The following IL36G variants were observed in gnomAD, a reference collection of about 807,000 sequenced individuals.
IL36G encodes interleukin-36 gamma.
A neutral mutation model predicts 13.5 loss-of-function variants in IL36G; 10 were observed. The ratio of observed to expected loss-of-function variants is 0.74; its 90% CI spans 0.46 to 1.26. The LOEUF is 1.26. IL36G is among the 50% of genes most tolerant of loss of function. The pLI is 0.00. For missense variants in IL36G, 199 were observed against 203.0 expected (o/e 0.98, Z 0.12); for synonymous variants, 84 against 74.0 (o/e 1.13, Z -0.69).
In IL36G at chr2:112,980,109, T is replaced by C; in HGVS notation, c.261T>C (p.Tyr87=). The C allele has an allele frequency of 6.2e-7, 1 of 1,614,152 alleles. No homozygotes were observed. The highest frequency in any genetic ancestry group is 8.5e-7 in the Non-Finnish European group (1 of 1,179,992). Reference sequence around the variant, plus strand: ...TCCAGAATCCAGAAATGTGTTTGTATTGTGAGAAGGTTGGAGAACAGCCCA... The same window carrying C: ...TCCAGAATCCAGAAATGTGTTTGTACTGTGAGAAGGTTGGAGAACAGCCCA... ...LGIQNPEMCL[Y]CEKVGEQPTL... is the part of the protein sequence containing the mutation. Residue 87 remains tyrosine (Y), a synonymous_variant, in exon 4 of 5, where the codon TAT becomes TAC. Transcript: ENST00000259205.
Position 112,984,915 on chromosome 2 carries a change from AG to A in IL36G, c.378del (p.Thr127ProfsTer25). ...CCTTTTCTACCGTGCCAAGACTGGT[AG>A]GACCTCCACCCTTGAGTCTGTGGCC... ...PFLFYRAKTGRTSTLESVAFP... is the reference protein window; with the variant it reads ...PFLFYRAKTGXTSTLESVAFP... On this transcript the variant is annotated frameshift_variant, in exon 5 of 5. Transcript: ENST00000259205. LOFTEE classifies it low-confidence loss of function (END_TRUNC). 1 of 1,614,156 alleles carries A rather than the reference AG, an allele frequency of 6.2e-7. No homozygotes were observed. Among genetic ancestry groups the A allele is most frequent in the Non-Finnish European group, 8.5e-7 (1 of 1,180,016 alleles).
chr2:112,978,958 A>G (rs1684213586), intron 2 of IL36G, among the ~76,000 whole-genome samples: 1 of 152,220 alleles, frequency 6.6e-6, no homozygotes, highest in Non-Finnish European at 1.5e-5. Flanking sequence ...AGGTTCTGTG[A>G]GACTGCTCAT....
intron 2 of IL36G, 113 bp downstream of exon 2, chr2:112,978,806 A>G: frequency 9.6e-7 from 1 of 1,045,888 alleles, no homozygotes; most frequent in South Asian, 1.4e-5. Context: ...TGCCCTTCCC[A>G]CCTGGTGCTG....
rs199830538 is a variant in IL36G, at chr2:112,978,633, C to T, written c.-6C>T. The T allele has an allele frequency of 7.6e-5, 123 of 1,613,870 alleles. No homozygotes were observed. The highest frequency in any genetic ancestry group is 4.9e-4 in the Middle Eastern group (3 of 6,082). ...CTGCTTTCACAGGTGCTGAGACAACCACACTATGAGAGGCACTCCAGGAGA... is the reference window on the plus strand; with the variant it reads ...CTGCTTTCACAGGTGCTGAGACAACTACACTATGAGAGGCACTCCAGGAGA... On this transcript the variant is annotated 5_prime_UTR_variant, in exon 2 of 5. Coordinates refer to ENST00000259205, the MANE Select transcript of IL36G (RefSeq NM_019618.4).
intron 4 of IL36G, among the ~76,000 whole-genome samples, chr2:112,980,714 G>C (rs1051213597): frequency 4.6e-5 from 7 of 152,350 alleles, no homozygotes; most frequent in Admixed American, 2.6e-4. Flanking sequence ...GGCATCACTG[G>C]AAAGTCCAGA....
At chr2:112,981,411 C>T in intron 4 of IL36G, 1 of 718,316 alleles carries the variant, frequency 1.4e-6, no homozygotes, top group Non-Finnish European at 2.5e-6. Context: ...CTTCAGCATC[C>T]CCTTCAGCCT....
rs778585740 is a variant in IL36G at position 112,985,067 on chromosome 2, C to T, written c.*18C>T. On this transcript the variant is annotated 3_prime_UTR_variant, in exon 5 of 5. Transcript: ENST00000259205. Reference sequence around the variant, plus strand: ...ATGACTGAACTCAGCCTAGAGGTGGCAGCTTGGTCTTTGTCTTAAAGTTTC... The same window carrying T: ...ATGACTGAACTCAGCCTAGAGGTGGTAGCTTGGTCTTTGTCTTAAAGTTTC... 1 of 1,576,368 alleles carries T rather than the reference C, an allele frequency of 6.3e-7. No individual in the cohort carries two copies.
intron 4 of IL36G, among the ~76,000 whole-genome samples, chr2:112,981,667 T>A (rs576550899): frequency 2.6e-5 from 4 of 152,374 alleles, no homozygotes; most frequent in Non-Finnish European, 5.9e-5. Context: ...TATCTCACGA[T>A]ATCTCATCTA....
At chr2:112,981,961 A>G (rs1393476021) in intron 4 of IL36G, among the ~76,000 whole-genome samples, 1 of 152,170 alleles carries the variant, frequency 6.6e-6, no homozygotes, top group African/African-American at 2.4e-5. Flanking sequence ...AAGCGCATGT[A>G]TGGGTACTTC....
chr2:112,984,409 A>G (rs910558708), intron 4 of IL36G, among the ~76,000 whole-genome samples: 7 of 152,196 alleles, frequency 4.6e-5, no homozygotes, highest in African/African-American at 1.4e-4. Context: ...ATATGTGGCA[A>G]TTAGTCAGAA....
intron 4 of IL36G, chr2:112,981,567 G>A (rs1436985878): frequency 7.9e-6 from 3 of 379,062 alleles, no homozygotes; most frequent in African/African-American, 6.2e-5. Context: ...ATATATTCTT[G>A]GCCATCATTT....
At chr2:112,984,627 C>T (rs1316853847) in intron 4 of IL36G, among the ~76,000 whole-genome samples, 1 of 152,186 alleles carries the variant, frequency 6.6e-6, no homozygotes, top group Admixed American at 6.5e-5. Context: ...ACTTCCTACA[C>T]CATCTCTGGA....
At chr2:112,979,561 C>T (rs754545765) in intron 3 of IL36G, among the ~76,000 whole-genome samples, 1 of 152,178 alleles carries the variant, frequency 6.6e-6, no homozygotes, top group South Asian at 2.1e-4. Flanking sequence ...ATCTGAAGCC[C>T]TGTCTTATGG....
chr2:112,978,792 A>G (rs902364895), intron 2 of IL36G, 99 bp downstream of exon 2: 3 of 1,194,150 alleles, frequency 2.5e-6, no homozygotes, highest in Non-Finnish European at 3.7e-6. Context: ...TCCTCTCTGT[A>G]CACTGCCCTT....
intron 4 of IL36G, among the ~76,000 whole-genome samples, chr2:112,982,958 T>C (rs572143358): frequency 1.3e-5 from 2 of 152,180 alleles, no homozygotes; most frequent in South Asian, 4.1e-4. Flanking sequence ...GTAGTTATTT[T>C]GTTTAAGATG....
chr2:112,983,676 G>A (rs995243723), intron 4 of IL36G, among the ~76,000 whole-genome samples: 3 of 152,186 alleles, frequency 2.0e-5, no homozygotes, highest in African/African-American at 7.2e-5. Flanking sequence ...AGAGTGGTAA[G>A]AAGGCAGGGC....
chr2:112,984,224 T>C (rs1684312257), intron 4 of IL36G, among the ~76,000 whole-genome samples: 1 of 152,228 alleles, frequency 6.6e-6, no homozygotes, highest in Non-Finnish European at 1.5e-5. Context: ...GAAATACTTA[T>C]TTTACCTAAA....
chr2:112,979,058 A>G (rs1321120142), intron 2 of IL36G, among the ~76,000 whole-genome samples, 163 bp from the exon 3 acceptor site: 3 of 152,194 alleles, frequency 2.0e-5, no homozygotes. Context: ...ACTTCACTAG[A>G]AAGAAAGGCT....
chr2:112,983,016 G>A (rs549024022), intron 4 of IL36G, among the ~76,000 whole-genome samples: 9 of 152,326 alleles, frequency 5.9e-5, no homozygotes, highest in African/African-American at 2.2e-4. Flanking sequence ...AGAAGAGCAA[G>A]CAAAATTGAT....
Sources: gnomAD v4.1 joint callset for allele counts (sites outside exome capture counted in the v4.1 genomes callset) on GRCh38, gnomAD v4.1.1 for gene constraint, MANE v1.5 for transcripts, NCBI Gene and HGNC (gene_info 2026-07-23, HGNC 2026-07-21) for gene names.